MEAK7: variants seen among roughly 807,000 people sequenced by gnomAD.
The protein encoded by MEAK7 is MTOR associated protein MEAK7.
A neutral mutation model predicts 40.5 loss-of-function variants in MEAK7; 68 were observed. The observed-to-expected ratio is 1.68, with a 90% CI of 1.38 to 2.06. The LOEUF (loss-of-function observed/expected upper bound fraction) is 2.06, where lower values mean the gene tolerates loss of function less well. Among genes scored for constraint, MEAK7 ranks in the 30% most tolerant of loss-of-function variants. MEAK7 has a pLI of 0.00. For synonymous variants in MEAK7, 338 were observed against 231.9 expected (o/e 1.46, Z -4.16); for missense variants, 918 against 580.5 (o/e 1.58, Z -5.98).
At chr16:84,481,208 G>A (rs1041099310) in intron 6 of MEAK7, among the ~76,000 whole-genome samples, 3 of 152,192 alleles carry the variant, frequency 2.0e-5, no homozygotes, top group Non-Finnish European at 2.9e-5. Context: ...CAGACCCGGA[G>A]GCGGATGCGA....
chr16:84,486,271 G>A, intron 5 of MEAK7: 1 of 82,798 alleles, frequency 1.2e-5, no homozygotes, highest in Non-Finnish European at 2.3e-5. Flanking sequence ...GCGTGGCGGT[G>A]GGGGCAGGGG....
intron 1 of MEAK7, among the ~76,000 whole-genome samples, chr16:84,499,618 C>T (rs1758888828): frequency 1.3e-5 from 2 of 152,192 alleles, no homozygotes; most frequent in Non-Finnish European, 2.9e-5. Flanking sequence ...AAAACATGTT[C>T]ATCACCCTCG....
intron 3 of MEAK7, among the ~76,000 whole-genome samples, chr16:84,490,430 G>A (rs1297669346): frequency 7.5e-6 from 1 of 133,040 alleles, no homozygotes; most frequent in African/African-American, 3.0e-5. Context: ...GGGCGGCTAA[G>A]TTTCTGCCCC....
chr16:84,493,230 T>C (rs1169580403), intron 3 of MEAK7, among the ~76,000 whole-genome samples: 1 of 152,262 alleles, frequency 6.6e-6, no homozygotes, highest in African/African-American at 2.4e-5. Flanking sequence ...TTGTCAATTG[T>C]GTCTTTAACC....
rs532093481 is a variant in MEAK7, at chr16:84,489,244, A to C, written c.529+34T>G. The C allele has an allele frequency of 6.2e-6, 10 of 1,608,554 alleles. No homozygotes were observed. In the South Asian group the frequency reaches 1.0e-4, roughly 16 times the overall value. ...AGACAGCAGGTACCGCTCTACAGCA[A>C]AAGACCTGCATCACCGCGTCCACGC... On this transcript the variant is annotated intron_variant, in intron 4 of 7. Transcript: ENST00000343629.
chr16:84,496,653 T>G (rs1914077057), intron 2 of MEAK7, among the ~76,000 whole-genome samples: 1 of 152,140 alleles, frequency 6.6e-6, no homozygotes. Flanking sequence ...AATGCTGCTG[T>G]CAGCTCCCAA....
At chr16:84,493,529 G>GT (rs988198326) in intron 3 of MEAK7, among the ~76,000 whole-genome samples, 81 of 151,958 alleles carry the variant, frequency 5.3e-4, no homozygotes, top group African/African-American at 1.6e-3. Context: ...AACATTAGCT[G>GT]TTTTTTTTCC....
intron 1 of MEAK7, chr16:84,503,990 T>C (rs959724513): frequency 2.0e-6 from 2 of 985,380 alleles, no homozygotes; most frequent in African/African-American, 3.5e-5. Context: ...AACTGCCTCA[T>C]CTGGACAGGC....
chr16:84,484,363 G>A (rs115456737), intron 5 of MEAK7, among the ~76,000 whole-genome samples: 2,253 of 152,262 alleles, frequency 0.015, 67 homozygotes, highest in African/African-American at 0.052. Context: ...ACGCTCGGCC[G>A]CCGAGGAGCT....
At chr16:84,490,518 T>C (rs1326161168) in intron 3 of MEAK7, among the ~76,000 whole-genome samples, 1 of 146,870 alleles carries the variant, frequency 6.8e-6, no homozygotes, top group Non-Finnish European at 1.5e-5. Flanking sequence ...ATCAAAATCC[T>C]TTCTGGTTTG....
chr16:84,495,452 C>G (rs1191285738), intron 3 of MEAK7: 2 of 554,290 alleles, frequency 3.6e-6, no homozygotes, highest in South Asian at 4.2e-5. Context: ...CCCCTGCAGT[C>G]TGCTTTTCCG....
chr16:84,488,845 G>C (rs529766704), intron 4 of MEAK7, among the ~76,000 whole-genome samples: 3 of 152,096 alleles, frequency 2.0e-5, no homozygotes, highest in African/African-American at 4.8e-5. Context: ...AGAAGATCTC[G>C]AATCAATAAC....
chr16:84,483,197 G>A (rs1912732211), intron 5 of MEAK7, among the ~76,000 whole-genome samples: 1 of 152,166 alleles, frequency 6.6e-6, no homozygotes, highest in African/African-American at 2.4e-5. Flanking sequence ...TGTCCCCAGG[G>A]GCACGGCCTA....
chr16:84,489,648 G>A (rs541837776), intron 3 of MEAK7, among the ~76,000 whole-genome samples: 1 of 152,142 alleles, frequency 6.6e-6, no homozygotes, highest in Non-Finnish European at 1.5e-5. Flanking sequence ...CATCCCAACA[G>A]TATTGGGGTT....
Position 84,498,011 on chromosome 16 carries a change from G to T in MEAK7, c.76C>A (p.Gln26Lys). The change falls in exon 2 of 8, where the codon CAA becomes AAA. Residue 26 changes from glutamine to lysine, a missense_variant. Physicochemically the swap from Gln to Lys is moderately conservative, Grantham distance 53. Transcript: ENST00000343629. ...FLPEEQAEIDQLFDALSSDKN... is the reference protein window; with the variant it reads ...FLPEEQAEIDKLFDALSSDKN... ...TCTGATGACAGAGCATCAAACAATT[G>T]ATCAATCTCTGCCTGTTCCTCAGGA... The T allele has an allele frequency of 6.2e-7, 1 of 1,614,160 alleles. No individual in the cohort carries two copies. Among genetic ancestry groups the T allele is most frequent in the Non-Finnish European group, 8.5e-7 (1 of 1,180,024 alleles).
intron 7 of MEAK7, 77 bp from the exon 8 acceptor site, chr16:84,480,103 C>T (rs1047499417): frequency 1.6e-6 from 2 of 1,222,914 alleles, no homozygotes; most frequent in Non-Finnish European, 2.3e-6. Flanking sequence ...AGTTTTCCAG[C>T]CTTCTTGGGT....
Position 84,479,715 on chromosome 16 carries a change from A to C in MEAK7, c.*198T>G. On this transcript the variant is annotated 3_prime_UTR_variant, in exon 8 of 8. Coordinates refer to ENST00000343629, the MANE Select transcript of MEAK7 (RefSeq NM_020947.4). ...GGGAAAAAAAGAAAACTTAAAAAAC[A>C]TCTATTTCTGGGAGATCCACCCATG... 2.4e-6 allele frequency: 1 copy of C among 412,434 alleles called. No homozygotes were observed. The highest frequency in any genetic ancestry group is 4.4e-6 in the Non-Finnish European group (1 of 229,382). 25.5% of individuals were successfully genotyped at this position (412,434 alleles called of 1,614,324 possible).
At chr16:84,480,388 C>G in intron 7 of MEAK7, 141 bp downstream of exon 7, 1 of 1,061,918 alleles carries the variant, frequency 9.4e-7, no homozygotes, top group Admixed American at 3.1e-5. Context: ...CTCCTGGCAT[C>G]CAAGCCAGCA....
At chr16:84,497,496 C>A in intron 2 of MEAK7, 1 of 1,290,112 alleles carries the variant, frequency 7.8e-7, no homozygotes, top group Non-Finnish European at 1.0e-6. Flanking sequence ...CCCATCACCG[C>A]GTCTGTCTCC....
Sources: allele counts gnomAD v4.1 joint callset (sites outside exome capture counted in the v4.1 genomes callset), GRCh38; gene constraint gnomAD v4.1.1; transcripts MANE v1.5; gene names NCBI Gene and HGNC (gene_info 2026-07-23, HGNC 2026-07-21).